Variants in MYO1D observed in about 807,000 individuals in gnomAD.
MYO1D encodes unconventional myosin-Id.
MYO1D carries 83 observed loss-of-function variants against 122.0 expected under a neutral mutation model. That is an observed-to-expected ratio of 0.68 (90% confidence interval 0.57 to 0.82). The LOEUF (loss-of-function observed/expected upper bound fraction) is 0.82. Among genes scored for constraint, MYO1D ranks in the 40% least tolerant of loss-of-function variants. The pLI is 0.00. For missense variants in MYO1D, 1,157 were observed against 1,269.5 expected (o/e 0.91, Z 1.35); for synonymous variants, 464 against 446.9 (o/e 1.04, Z -0.48).
intron 1 of MYO1D, among the ~76,000 whole-genome samples, chr17:32,864,547 T>TG (rs2091107531): frequency 6.1e-5 from 1 of 16,378 alleles, no homozygotes; most frequent in African/African-American, 3.9e-4. Flanking sequence ...GTTCTACGAA[T>TG]GAAAAAAAAA....
chr17:32,760,826 A>G (rs1016292934), intron 8 of MYO1D, among the ~76,000 whole-genome samples, 199 bp from the exon 9 acceptor site: 2 of 152,176 alleles, frequency 1.3e-5, no homozygotes, highest in African/African-American at 4.8e-5. Context: ...TAAAGTAAAT[A>G]GCTTGTATTT....
At chr17:32,819,741 T>C (rs1022892559) in intron 1 of MYO1D, among the ~76,000 whole-genome samples, 3 of 152,224 alleles carry the variant, frequency 2.0e-5, no homozygotes, top group African/African-American at 7.2e-5. Flanking sequence ...CTACCATTTA[T>C]GAAGCTTTGA....
At chr17:32,710,320 G>A (rs965862650) in intron 16 of MYO1D, among the ~76,000 whole-genome samples, 1 of 152,100 alleles carries the variant, frequency 6.6e-6, no homozygotes. Flanking sequence ...TATAATAAAA[G>A]TGGCACTGCA....
chr17:32,843,030 A>G (rs929015310), intron 1 of MYO1D, among the ~76,000 whole-genome samples: 3 of 151,800 alleles, frequency 2.0e-5, no homozygotes, highest in African/African-American at 7.3e-5. Flanking sequence ...CTGGGACTAC[A>G]GGCACCCGCC....
At chr17:32,593,938 A>G (rs1018381815) in intron 21 of MYO1D, among the ~76,000 whole-genome samples, 9 of 152,264 alleles carry the variant, frequency 5.9e-5, no homozygotes, top group Non-Finnish European at 1.3e-4. Flanking sequence ...CTCCATCTCA[A>G]AAAAACAAAA....
At chr17:32,723,941 T>C (rs1673373538) in intron 14 of MYO1D, among the ~76,000 whole-genome samples, 1 of 152,210 alleles carries the variant, frequency 6.6e-6, no homozygotes, top group Non-Finnish European at 1.5e-5. Context: ...AATTTTGGTA[T>C]ATTTTATTAT....
At chr17:32,499,627 C>CT (rs1253271339) in intron 21 of MYO1D, among the ~76,000 whole-genome samples, 2 of 151,776 alleles carry the variant, frequency 1.3e-5, no homozygotes, top group Non-Finnish European at 2.9e-5. Context: ...GGGCAAGACT[C>CT]TGTCTCCAAA....
chr17:32,556,741 T>C (rs1283450610), intron 21 of MYO1D, among the ~76,000 whole-genome samples: 3 of 152,182 alleles, frequency 2.0e-5, no homozygotes, highest in Non-Finnish European at 2.9e-5. Context: ...TAGCAACTTA[T>C]TCTTGAGCTT....
chr17:32,810,901 A>G (rs2090565750), intron 1 of MYO1D, among the ~76,000 whole-genome samples: 1 of 152,186 alleles, frequency 6.6e-6, no homozygotes, highest in South Asian at 2.1e-4. Context: ...AAAGTAGATT[A>G]AATTATCTGG....
chr17:32,820,618 C>T (rs544688072), intron 1 of MYO1D, among the ~76,000 whole-genome samples: 1 of 152,240 alleles, frequency 6.6e-6, no homozygotes, highest in South Asian at 2.1e-4. Context: ...GAGGTCATAA[C>T]CTCATACAAT....
intron 1 of MYO1D, among the ~76,000 whole-genome samples, chr17:32,841,116 A>G (rs954916520): frequency 2.0e-5 from 3 of 152,196 alleles, no homozygotes; most frequent in Admixed American, 6.5e-5. Context: ...GGTTAAGTGT[A>G]TTAAATACCT....
intron 17 of MYO1D, 21 bp from the exon 18 acceptor site, chr17:32,654,642 T>A (rs781209089): frequency 1.3e-6 from 2 of 1,553,492 alleles, no homozygotes; most frequent in South Asian, 1.2e-5. Flanking sequence ...ATAGACAACA[T>A]GTATTAGACT....
At chr17:32,648,961 G>C (rs1170995144) in intron 19 of MYO1D, among the ~76,000 whole-genome samples, 1 of 151,718 alleles carries the variant, frequency 6.6e-6, no homozygotes, top group Non-Finnish European at 1.5e-5. Context: ...TGCCATTTTA[G>C]TGGCTTTTCT....
At chr17:32,834,277 C>T (rs917112205) in intron 1 of MYO1D, among the ~76,000 whole-genome samples, 1 of 152,178 alleles carries the variant, frequency 6.6e-6, no homozygotes, top group African/African-American at 2.4e-5. Context: ...CTCATTCATT[C>T]ATTATTCCAG....
intron 21 of MYO1D, among the ~76,000 whole-genome samples, chr17:32,589,210 G>C (rs1294944004): frequency 6.6e-6 from 1 of 152,190 alleles, no homozygotes; most frequent in African/African-American, 2.4e-5. Context: ...GGCAGACCTG[G>C]GGCTTGGATG....
At chr17:32,695,718 A>G (rs1443262708) in intron 16 of MYO1D, among the ~76,000 whole-genome samples, 1 of 152,228 alleles carries the variant, frequency 6.6e-6, no homozygotes. Context: ...AAATCTGCCA[A>G]TGTGAATTGT....
At position 32,755,496 on chromosome 17, in the gene MYO1D, C is replaced by T. The variant is rs563064899; in HGVS notation, c.1463G>A (p.Arg488Gln). ...AGGTGTCATTAAACACATTACCTTT[C>T]GGCTGGAAAAATGGGCGTGTTTGCC... ...KLGKHAHFSS[R>Q]KLCASDKILE... The change falls in exon 11 of 22, where the codon CGA (arginine) becomes CAA (glutamine). Residue 488 changes from arginine to glutamine, a missense_variant. Arg to Gln is a conservative substitution (Grantham distance 43). Coordinates refer to ENST00000318217, the MANE Select transcript of MYO1D (RefSeq NM_015194.3). The T allele has an allele frequency of 9.9e-6, 16 of 1,613,360 alleles. No individual in the cohort carries two copies. The highest frequency in any genetic ancestry group is 2.7e-5 in the African/African-American group (2 of 75,000).
chr17:32,661,887 A>G (rs1416207157), intron 16 of MYO1D, among the ~76,000 whole-genome samples: 1 of 152,184 alleles, frequency 6.6e-6, no homozygotes, highest in Non-Finnish European at 1.5e-5. Context: ...ATTGTGTTAT[A>G]TATTACACAT....
chr17:32,635,368 T>C (rs2088083301), intron 20 of MYO1D, among the ~76,000 whole-genome samples: 1 of 152,148 alleles, frequency 6.6e-6, no homozygotes, highest in Non-Finnish European at 1.5e-5. Context: ...TGGGTTTCCA[T>C]GGGATTTGAT....
Sources: allele counts gnomAD v4.1 joint callset (sites outside exome capture counted in the v4.1 genomes callset), GRCh38; gene constraint gnomAD v4.1.1; transcripts MANE v1.5; gene names NCBI Gene and HGNC (gene_info 2026-07-23, HGNC 2026-07-21).